The following NPAS3 variants were observed in gnomAD, a reference collection of about 807,000 sequenced individuals.
NPAS3 encodes neuronal PAS domain-containing protein 3.
NPAS3 carries 14 observed loss-of-function variants against 73.1 expected under a neutral mutation model. The observed-to-expected ratio is 0.19, with a 90% CI of 0.13 to 0.30. The LOEUF (loss-of-function observed/expected upper bound fraction) is 0.30, where lower values mean the gene tolerates loss of function less well. Ranked by LOEUF, NPAS3 falls within the 10% of genes least tolerant of loss-of-function variation. NPAS3 has a pLI of 1.00. For synonymous variants in NPAS3, 620 were observed against 541.5 expected, an observed-to-expected ratio of 1.14 and a Z score of -2.01; for missense variants, 1,096 against 1,250.0, an observed-to-expected ratio of 0.88 and a Z score of 1.86.
intron 2 of NPAS3, among the ~76,000 whole-genome samples, chr14:33,148,802 C>T (rs933277625): frequency 1.3e-4 from 20 of 152,116 alleles, no homozygotes; most frequent in African/African-American, 4.8e-4. Flanking sequence ...ATATTCCCAC[C>T]TCAGCGTCCC....
chr14:33,794,157 G>C, intron 10 of NPAS3, 113 bp downstream of exon 10: 1 of 922,362 alleles, frequency 1.1e-6, no homozygotes, highest in Non-Finnish European at 1.6e-6. Context: ...ACAGTACCTG[G>C]TGTGGAATTT....
chr14:33,796,368 T>G (rs973568986), intron 10 of NPAS3, among the ~76,000 whole-genome samples: 3 of 152,210 alleles, frequency 2.0e-5, no homozygotes, highest in African/African-American at 7.2e-5. Flanking sequence ...TCTCATCTGA[T>G]TATCTAGAGA....
chr14:33,564,161 C>G (rs1235128539), intron 5 of NPAS3, among the ~76,000 whole-genome samples: 1 of 151,970 alleles, frequency 6.6e-6, no homozygotes, highest in Non-Finnish European at 1.5e-5. Context: ...TAGGAAAACA[C>G]AACAAAGAGG....
chr14:32,990,799 C>T (rs1389110127), intron 1 of NPAS3, among the ~76,000 whole-genome samples: 11 of 151,816 alleles, frequency 7.2e-5, no homozygotes, highest in East Asian at 2.0e-4. Context: ...TGGTAGCGCA[C>T]GCCGGTAGTC....
intron 2 of NPAS3, among the ~76,000 whole-genome samples, chr14:33,076,568 T>G (rs2041665617): frequency 6.6e-6 from 1 of 152,222 alleles, no homozygotes; most frequent in South Asian, 2.1e-4. Context: ...TTGCCTTAGC[T>G]CAACGGAGCA....
Position 33,203,536 on chromosome 14 carries a change from T to G in NPAS3, c.141-11646T>G, listed in dbSNP as rs2046704138. ...CCTTCCTGTGTCCAAGTGTTCTCAT[T>G]GTTCATTTCCCACCTATGAGTGAGA... is the stretch of plus-strand genomic sequence containing the variant. On this transcript the variant is annotated intron_variant, in intron 2 of 11. Coordinates refer to ENST00000356141, the Ensembl canonical transcript of NPAS3. Among the ~76,000 whole-genome samples, 3 of 152,118 alleles carry G rather than the reference T, an allele frequency of 2.0e-5. No individual in the cohort carries two copies. The South Asian group carries it at 6.2e-4, about 31-fold the overall frequency.
At chr14:33,689,868 T>C (rs2060186673) in intron 6 of NPAS3, among the ~76,000 whole-genome samples, 1 of 152,180 alleles carries the variant, frequency 6.6e-6, no homozygotes. Flanking sequence ...ACTTCCCTTT[T>C]TCTAAGGCTA....
At chr14:33,192,882 C>T (rs1380703017) in intron 2 of NPAS3, among the ~76,000 whole-genome samples, 1 of 152,156 alleles carries the variant, frequency 6.6e-6, no homozygotes, top group Admixed American at 6.5e-5. Context: ...GGTAGGAACT[C>T]CCTTTTAAGT....
rs74719332 is a variant in NPAS3 at position 33,589,514 on chromosome 14, C to G, written c.558+29304C>G. 0.013 allele frequency among the ~76,000 whole-genome samples: 2,023 copies of G among 152,250 alleles called. 109 individuals carry two copies. The East Asian group carries it at 0.19, about 15-fold the overall frequency. On this transcript the variant is annotated intron_variant, in intron 5 of 11. Transcript: ENST00000356141. Reference sequence around the variant, plus strand: ...GGGAAAGTTGCCTGAAATTAGTCAGCGTTGGATGAGTAGCCCTGATTACAT... The same window carrying G: ...GGGAAAGTTGCCTGAAATTAGTCAGGGTTGGATGAGTAGCCCTGATTACAT...
At chr14:33,650,033 G>C (rs1280282059) in intron 5 of NPAS3, among the ~76,000 whole-genome samples, 3 of 152,208 alleles carry the variant, frequency 2.0e-5, no homozygotes, top group African/African-American at 7.2e-5. Context: ...AGATTCCCTG[G>C]CCCCGTCCCA....
At chr14:33,227,095 G>T (rs781196444) in intron 3 of NPAS3, among the ~76,000 whole-genome samples, 5 of 152,206 alleles carry the variant, frequency 3.3e-5, no homozygotes, top group Admixed American at 6.5e-5. Flanking sequence ...AAGGAAGCAG[G>T]GATGTTGATG....
At chr14:33,074,318 A>G (rs1273314190) in intron 2 of NPAS3, among the ~76,000 whole-genome samples, 1 of 152,220 alleles carries the variant, frequency 6.6e-6, no homozygotes, top group East Asian at 1.9e-4. Context: ...AAACAGATGA[A>G]TTTAAAGTTT....
At chr14:33,053,469 G>A (rs967422722) in intron 1 of NPAS3, among the ~76,000 whole-genome samples, 1 of 152,214 alleles carries the variant, frequency 6.6e-6, no homozygotes, top group Non-Finnish European at 1.5e-5. Flanking sequence ...GGAAGGGAAT[G>A]TGGATTGTTT....
intron 2 of NPAS3, among the ~76,000 whole-genome samples, chr14:33,200,510 A>G (rs2046574011): frequency 6.6e-6 from 1 of 152,040 alleles, no homozygotes; most frequent in Non-Finnish European, 1.5e-5. Flanking sequence ...CTTCATACCC[A>G]TACCTTTATG....
intron 4 of NPAS3, among the ~76,000 whole-genome samples, chr14:33,442,131 G>T (rs1161087178): frequency 1.3e-5 from 2 of 152,110 alleles, no homozygotes; most frequent in Non-Finnish European, 2.9e-5. Context: ...GTCTCAGTAG[G>T]GTGAAGACTG....
At chr14:33,495,180 T>G (rs1036492905) in intron 4 of NPAS3, among the ~76,000 whole-genome samples, 1 of 152,140 alleles carries the variant, frequency 6.6e-6, no homozygotes, top group Non-Finnish European at 1.5e-5. Context: ...ATTGTGTCTT[T>G]GTTCTCACTG....
At chr14:33,079,642 C>T (rs1350327234) in intron 2 of NPAS3, among the ~76,000 whole-genome samples, 22 of 49,088 alleles carry the variant, frequency 4.5e-4, no homozygotes, top group East Asian at 8.0e-4. Context: ...TTGACAATTT[C>T]GCTCTGTCAT....
At chr14:33,746,378 G>A (rs1292474494) in intron 7 of NPAS3, among the ~76,000 whole-genome samples, 6 of 151,512 alleles carry the variant, frequency 4.0e-5, no homozygotes, top group Admixed American at 3.3e-4. Context: ...TAGTAGAGAT[G>A]GGGTTTCACC....
chr14:33,744,552 C>T (rs906610706), intron 7 of NPAS3, among the ~76,000 whole-genome samples: 2 of 151,994 alleles, frequency 1.3e-5, no homozygotes, highest in African/African-American at 4.8e-5. Flanking sequence ...TTCTGGGAGG[C>T]GAAGGTGGGA....
Sources: allele counts gnomAD v4.1 joint callset (sites outside exome capture counted in the v4.1 genomes callset), GRCh38; gene constraint gnomAD v4.1.1; transcripts MANE v1.5; gene names NCBI Gene and HGNC (gene_info 2026-07-23, HGNC 2026-07-21).